ACTN2: variants seen among roughly 807,000 people sequenced by gnomAD.
ACTN2 encodes the protein alpha-actinin-2.
ACTN2 carries 39 observed loss-of-function variants against 113.8 expected under a neutral mutation model. The ratio of observed to expected loss-of-function variants is 0.34; its 90% CI spans 0.27 to 0.45. The LOEUF (loss-of-function observed/expected upper bound fraction) is 0.45, where lower values mean the gene tolerates loss of function less well. ACTN2 is among the 20% of genes least tolerant of loss of function. The probability of loss-of-function intolerance (pLI) is 1.00; values close to 1 mark genes in which losing one functional copy is unlikely to be tolerated. For missense variants in ACTN2, 992 were observed against 1,177.9 expected (o/e 0.84, Z 2.31); for synonymous variants, 429 against 444.1 (o/e 0.97, Z 0.43).
At chr1:236,742,544 A>C (rs1192793275) in intron 10 of ACTN2, among the ~76,000 whole-genome samples, 1 of 152,084 alleles carries the variant, frequency 6.6e-6, no homozygotes, top group Non-Finnish European at 1.5e-5. Context: ...TTAAAAAAAA[A>C]CAAAACAATA....
At chr1:236,736,323 T>C (rs190020399) in intron 8 of ACTN2, among the ~76,000 whole-genome samples, 2 of 152,340 alleles carry the variant, frequency 1.3e-5, no homozygotes, top group Admixed American at 6.5e-5. Flanking sequence ...GGGCGGAGTA[T>C]GCATTATTTC....
intron 1 of ACTN2, among the ~76,000 whole-genome samples, chr1:236,715,133 G>A (rs968224292): frequency 2.0e-5 from 3 of 150,892 alleles, no homozygotes; most frequent in African/African-American, 4.9e-5. Context: ...GAACCCTTTC[G>A]TACCACTTGA....
Position 236,764,169 on chromosome 1 carries a change from A to G in ACTN2, c.*1550A>G, listed in dbSNP as rs1238471520. ...TACACTGGGCCATTTAGAACCTTCAACCTTTATGAATTTCACTTAATTTGC... is the reference window on the plus strand; with the variant it reads ...TACACTGGGCCATTTAGAACCTTCAGCCTTTATGAATTTCACTTAATTTGC... On this transcript the variant is annotated 3_prime_UTR_variant, in exon 21 of 21. Coordinates refer to ENST00000366578, the MANE Select transcript of ACTN2 (RefSeq NM_001103.4). 2 of 152,072 alleles carry G rather than the reference A, an allele frequency of 1.3e-5. No homozygotes were observed. The highest frequency in any genetic ancestry group is 4.8e-5 in the African/African-American group (2 of 41,382). 9.4% of individuals were successfully genotyped at this position (152,072 alleles called of 1,614,324 possible). A position where few individuals can be genotyped will look rare whatever the true frequency, so the allele number is the denominator to read the frequency against.
intron 19 of ACTN2, among the ~76,000 whole-genome samples, chr1:236,760,330 C>T (rs189668164): frequency 6.6e-6 from 1 of 151,968 alleles, no homozygotes; most frequent in African/African-American, 2.4e-5. Context: ...GAGATGAGAA[C>T]ATAGGCTTTT....
intron 1 of ACTN2, among the ~76,000 whole-genome samples, chr1:236,710,592 C>T (rs1253358484): frequency 6.6e-6 from 1 of 152,180 alleles, no homozygotes; most frequent in Non-Finnish European, 1.5e-5. Flanking sequence ...TCCGGGTCTC[C>T]AGATCAGGGG....
chr1:236,751,087 C>T (rs1463115413), intron 14 of ACTN2, among the ~76,000 whole-genome samples: 1 of 47,290 alleles, frequency 2.1e-5, no homozygotes, highest in African/African-American at 8.3e-5. Context: ...GAGACCCTGT[C>T]TCAAAAAAAA....
At chr1:236,726,071 A>G (rs764894132) in intron 5 of ACTN2, 51 bp downstream of exon 5, 3 of 1,507,270 alleles carry the variant, frequency 2.0e-6, no homozygotes, top group Non-Finnish European at 2.8e-6. Flanking sequence ...ATCTGTGGGT[A>G]GCATGGGGAA....
intron 1 of ACTN2, among the ~76,000 whole-genome samples, chr1:236,695,563 T>TCCCTC (rs1657467960): frequency 9.9e-6 from 1 of 100,796 alleles, no homozygotes; most frequent in Non-Finnish European, 1.9e-5. Flanking sequence ...TGAAATGAGT[T>TCCCTC]CCCCCCCCCT....
In ACTN2 at chr1:236,737,334, T is replaced by C; in HGVS notation, c.876+120T>C. On this transcript the variant is annotated intron_variant, in intron 9 of 20. Coordinates refer to ENST00000366578, the MANE Select transcript of ACTN2 (RefSeq NM_001103.4). ...ATATATATATTTTGCATTTTTCATC[T>C]CAGATAGGATGAAAGTAGGAAAATA... 7.1e-6 allele frequency: 2 copies of C among 282,038 alleles called. 1 individual carries two copies. 17.5% of individuals were successfully genotyped at this position (282,038 alleles called of 1,614,324 possible). A position where few individuals can be genotyped will look rare whatever the true frequency, so the allele number is the denominator to read the frequency against.
chr1:236,686,758 G>C lies in ACTN2; in HGVS notation c.85G>C (p.Asp29His). The change falls in exon 1 of 21, where the codon GAC becomes CAC. Residue 29 changes from aspartate to histidine, a missense_variant. Coordinates refer to ENST00000366578, the MANE Select transcript of ACTN2 (RefSeq NM_001103.4). ...YMIQEEEWDR[D>H]LLLDPAWEKQ... ...GATCCAGGAGGAGGAGTGGGACCGC[G>C]ACCTGCTCCTGGACCCAGCCTGGGA... The C allele has an allele frequency of 1.3e-6, 2 of 1,549,964 alleles. No homozygotes were observed. Among genetic ancestry groups the C allele is most frequent in the South Asian group, 1.2e-5 (1 of 84,620 alleles).
intron 12 of ACTN2, among the ~76,000 whole-genome samples, chr1:236,746,291 C>A (rs1659236785): frequency 6.6e-6 from 1 of 151,988 alleles, no homozygotes; most frequent in Non-Finnish European, 1.5e-5. Flanking sequence ...TTGAAGCAGC[C>A]TCCTGAAGAT....
At chr1:236,751,408 C>G in intron 14 of ACTN2, 62 bp from the exon 15 acceptor site, 1 of 1,588,704 alleles carries the variant, frequency 6.3e-7, no homozygotes, top group Non-Finnish European at 8.6e-7. Flanking sequence ...AAAGGAATAT[C>G]AAAGCCTTTG....
chr1:236,764,264 C>G lies in ACTN2; in HGVS notation c.*1645C>G, dbSNP rs577833572. The stretch of plus-strand genomic sequence containing the variant: ...GAATCCTTGAGTTTAATGCCAAACA[C>G]TTTTGGGGTGGTTTAGATGAACTCT... On this transcript the variant is annotated 3_prime_UTR_variant, in exon 21 of 21. Transcript: ENST00000366578. The G allele has an allele frequency of 6.6e-5, 10 of 152,140 alleles. No individual in the cohort carries two copies. Among genetic ancestry groups the G allele is most frequent in the Non-Finnish European group, 8.8e-5 (6 of 68,028 alleles). The allele number at this position is 152,140 out of a possible 1,614,324, so 9.4% of individuals were successfully genotyped here.
rs112340191 is a variant in ACTN2 at position 236,739,562 on chromosome 1, G to A, written c.1107+30G>A. 206 of 1,609,456 alleles carry A rather than the reference G, an allele frequency of 1.3e-4. 2 individuals are homozygous for A. In the African/African-American group the frequency reaches 2.0e-3, roughly 16 times the overall value. On this transcript the variant is annotated intron_variant, in intron 10 of 20. Coordinates refer to ENST00000366578, the MANE Select transcript of ACTN2 (RefSeq NM_001103.4). ...GTAGCAAGCGCCAAGCCCTCCTGGC[G>A]CCACGGGAAGCCCTCCTTCTAGCCT...
intron 9 of ACTN2, among the ~76,000 whole-genome samples, chr1:236,737,422 A>G (rs1242333712): frequency 2.0e-5 from 3 of 150,322 alleles, no homozygotes; most frequent in Non-Finnish European, 3.0e-5. Context: ...CATAATCCCC[A>G]GTGGTCTTTC....
intron 1 of ACTN2, 57 bp downstream of exon 1, chr1:236,686,856 T>G (rs1247524190): frequency 7.6e-7 from 1 of 1,315,532 alleles, no homozygotes; most frequent in Non-Finnish European, 9.7e-7. Flanking sequence ...CCCGCGGGGC[T>G]CCCGTGCGCG....
intron 7 of ACTN2, chr1:236,734,551 C>T: frequency 7.0e-7 from 1 of 1,435,716 alleles, no homozygotes; most frequent in Non-Finnish European, 9.4e-7. Flanking sequence ...ACTGCTCACC[C>T]TTCACCTTCT....
At chr1:236,747,480 C>T (rs183091771) in intron 12 of ACTN2, among the ~76,000 whole-genome samples, 187 bp from the exon 13 acceptor site, 40 of 152,210 alleles carry the variant, frequency 2.6e-4, no homozygotes, top group Middle Eastern at 3.4e-3. Flanking sequence ...TTTCATCATC[C>T]ACCTACCCTT....
At position 236,738,276 on chromosome 1, in the gene ACTN2, C is replaced by T. The variant is rs139665640; in HGVS notation, c.877-1026C>T. Among the ~76,000 whole-genome samples, 1,301 of 152,320 alleles carry T rather than the reference C, an allele frequency of 8.5e-3. 20 individuals are homozygous for T. The highest frequency in any genetic ancestry group is 0.035 in the South Asian group (169 of 4,820). On this transcript the variant is annotated intron_variant, in intron 9 of 20. Coordinates refer to ENST00000366578, the MANE Select transcript of ACTN2 (RefSeq NM_001103.4). The stretch of plus-strand genomic sequence containing the variant: ...CACCCGCCTTGGCCTCCCAAAGTGC[C>T]GGGATTATTGGCGTGAGCCACCGCA...
Sources: allele counts gnomAD v4.1 joint callset (sites outside exome capture counted in the v4.1 genomes callset), GRCh38; gene constraint gnomAD v4.1.1; transcripts MANE v1.5; gene names NCBI Gene and HGNC (gene_info 2026-07-23, HGNC 2026-07-21).